CCDC102B: variants seen among roughly 807,000 people sequenced by gnomAD.
CCDC102B encodes coiled-coil domain-containing protein 102B.
In CCDC102B, 75 loss-of-function variants were observed where a neutral mutation model predicts 57.4. That is an observed-to-expected ratio of 1.31 (90% confidence interval 1.08 to 1.58). The LOEUF (loss-of-function observed/expected upper bound fraction) is 1.58, where lower values mean the gene tolerates loss of function less well. Ranked by LOEUF, CCDC102B falls within the 40% of genes most tolerant of loss-of-function variation. The probability of loss-of-function intolerance (pLI) is 0.00; values close to 1 mark genes in which losing one functional copy is unlikely to be tolerated. For missense variants in CCDC102B, 636 were observed against 582.6 expected, an observed-to-expected ratio of 1.09 and a Z score of -0.94; for synonymous variants, 206 against 201.9, an observed-to-expected ratio of 1.02 and a Z score of -0.17.
intron 1 of CCDC102B, among the ~76,000 whole-genome samples, chr18:68,825,438 C>G (rs777167358): frequency 6.6e-6 from 1 of 151,934 alleles, no homozygotes; most frequent in Non-Finnish European, 1.5e-5. Context: ...GTCTGTAATC[C>G]CCGCACTTTG....
intron 2 of CCDC102B, among the ~76,000 whole-genome samples, chr18:68,744,660 C>A (rs2033540969): frequency 6.6e-6 from 1 of 152,102 alleles, no homozygotes; most frequent in Non-Finnish European, 1.5e-5. Context: ...GGACCAATCA[C>A]CAGCCATGTG....
chr18:68,769,254 GAAAAAAAAAAAA>G (rs35451609), intron 2 of CCDC102B, among the ~76,000 whole-genome samples: 1 of 116,428 alleles, frequency 8.6e-6, no homozygotes, highest in East Asian at 2.4e-4. Context: ...ACTCCACCTC[GAAAAAAAAAAAA>G]AAAGATTGAA....
chr18:68,945,500 C>T (rs1280369820), intron 6 of CCDC102B, among the ~76,000 whole-genome samples: 1 of 152,072 alleles, frequency 6.6e-6, no homozygotes. Flanking sequence ...AAATTTTATT[C>T]ATGTACAAGT....
chr18:68,772,777 C>T (rs1286824075), intron 2 of CCDC102B, among the ~76,000 whole-genome samples: 1 of 152,080 alleles, frequency 6.6e-6, no homozygotes, highest in East Asian at 1.9e-4. Context: ...CTCCATCACT[C>T]TAAACAGACT....
At position 68,901,972 on chromosome 18, in the gene CCDC102B, A is replaced by G. The variant is rs557265038; in HGVS notation, c.1263+4544A>G. Reference sequence around the variant, plus strand: ...AACCCTGATCTGCTTCTGTAGGTCTAGGATAAGGTCTGAGATTCTGCACTT... The same window carrying G: ...AACCCTGATCTGCTTCTGTAGGTCTGGGATAAGGTCTGAGATTCTGCACTT... On this transcript the variant is annotated intron_variant, in intron 6 of 7. Coordinates refer to ENST00000360242, the MANE Select transcript of CCDC102B (RefSeq NM_024781.3). 7.2e-5 allele frequency among the ~76,000 whole-genome samples: 11 copies of G among 152,314 alleles called. No homozygotes were observed. The East Asian group carries it at 2.1e-3, about 29-fold the overall frequency.
rs140731511 is a variant in CCDC102B, at chr18:68,827,002, C to T, written c.-15-9747C>T. On this transcript the variant is annotated intron_variant, in intron 1 of 7. Transcript: ENST00000360242. ...ATGATAGTGAATTTCTCACCTGAAG[C>T]CACAAAGGCTACAAGGAGATGGTAC... 5.3e-5 allele frequency among the ~76,000 whole-genome samples: 8 copies of T among 151,978 alleles called. No individual in the cohort carries two copies. In the East Asian group the frequency reaches 1.5e-3, roughly 29 times the overall value.
At chr18:68,959,930 C>T (rs2050003278) in intron 6 of CCDC102B, among the ~76,000 whole-genome samples, 1 of 152,074 alleles carries the variant, frequency 6.6e-6, no homozygotes, top group African/African-American at 2.4e-5. Context: ...CAATGCTGTC[C>T]AGGAGCCAAG....
intron 6 of CCDC102B, among the ~76,000 whole-genome samples, chr18:68,957,201 A>G (rs1599751748): frequency 6.6e-6 from 1 of 152,172 alleles, no homozygotes; most frequent in Non-Finnish European, 1.5e-5. Flanking sequence ...AATTTTTGCC[A>G]AGGCCAATGT....
rs2038456477 is a variant in CCDC102B, at chr18:68,857,177, A to AT, written c.936+10756_936+10757insT. Among the ~76,000 whole-genome samples the AT allele has an allele frequency of 1.7e-4, 3 of 17,678 alleles. 1 individual carries two copies. In the South Asian group the frequency reaches 4.3e-3, roughly 25 times the overall value. The allele number at this position is 17,678 out of a possible 152,430, so 11.6% of individuals were successfully genotyped here. ...ATTTATATATTTTTATATAATATAT[A>AT]AAAATATATTTATATATTTTTATAT... On this transcript the variant is annotated intron_variant, in intron 4 of 7. Transcript: ENST00000360242.
At chr18:69,025,008 A>C (rs2051945486) in intron 7 of CCDC102B, among the ~76,000 whole-genome samples, 1 of 152,138 alleles carries the variant, frequency 6.6e-6, no homozygotes. Flanking sequence ...TGTGGTGTTA[A>C]TATAATTTCT....
chr18:68,943,880 C>A (rs1490501093), intron 6 of CCDC102B, among the ~76,000 whole-genome samples: 1 of 152,032 alleles, frequency 6.6e-6, no homozygotes, highest in Non-Finnish European at 1.5e-5. Flanking sequence ...CTGCAAGAAT[C>A]AAAGAAACAA....
chr18:68,980,008 C>T (rs1043277427), intron 6 of CCDC102B, among the ~76,000 whole-genome samples: 2 of 151,948 alleles, frequency 1.3e-5, no homozygotes, highest in African/African-American at 2.4e-5. Flanking sequence ...GCGCATGAAC[C>T]TGTAGGTCAA....
Position 68,900,466 on chromosome 18 carries a change from T to A in CCDC102B, c.1263+3038T>A, listed in dbSNP as rs995297971. Among the ~76,000 whole-genome samples, 5 of 151,840 alleles carry A rather than the reference T, an allele frequency of 3.3e-5. No individual in the cohort carries two copies. In the East Asian group the frequency reaches 7.7e-4, roughly 23 times the overall value. The stretch of plus-strand genomic sequence containing the variant: ...TAACTGATATGACGTAAAGTTTTTT[T>A]AAAAAAAAGTCTTCCATACACTCAG... On this transcript the variant is annotated intron_variant, in intron 6 of 7. Transcript: ENST00000360242.
At chr18:69,051,938 A>G (rs934265204) in intron 7 of CCDC102B, among the ~76,000 whole-genome samples, 9 of 152,098 alleles carry the variant, frequency 5.9e-5, no homozygotes, top group African/African-American at 2.2e-4. Context: ...AAAATAGTGA[A>G]AATACAGAAT....
intron 1 of CCDC102B, among the ~76,000 whole-genome samples, chr18:68,834,454 T>TATATATATATATATATATATATA (rs1568275774): frequency 8.2e-5 from 12 of 146,878 alleles, no homozygotes; most frequent in African/African-American, 2.7e-4. Flanking sequence ...TATATATATA[T>TATATATATATATATATATATATA]TTGCTGTGTT....
rs202077915 is a variant in CCDC102B at position 68,872,402 on chromosome 18, C to T, written c.937-2267C>T. Among the ~76,000 whole-genome samples the T allele has an allele frequency of 4.6e-5, 7 of 152,176 alleles. No homozygotes were observed. In the East Asian group the frequency reaches 1.4e-3, roughly 29 times the overall value. On this transcript the variant is annotated intron_variant, in intron 4 of 7. Coordinates refer to ENST00000360242, the MANE Select transcript of CCDC102B (RefSeq NM_024781.3). ...TACACTCCAGTATTAAACTCTACTT[C>T]CCAGATAAATTTTTTTCTTTATGTA...
intron 1 of CCDC102B, among the ~76,000 whole-genome samples, chr18:68,828,743 T>C (rs2037018059): frequency 6.6e-6 from 1 of 151,762 alleles, no homozygotes; most frequent in Admixed American, 6.6e-5. Context: ...TGTTACTTTA[T>C]TTAAAAATAT....
At chr18:68,887,964 C>T (rs953601698) in intron 5 of CCDC102B, among the ~76,000 whole-genome samples, 2 of 152,132 alleles carry the variant, frequency 1.3e-5, no homozygotes, top group Non-Finnish European at 2.9e-5. Context: ...ATGTAGCACT[C>T]AGAGACAGAC....
At chr18:68,733,398 G>T (rs2032971700) in intron 2 of CCDC102B, among the ~76,000 whole-genome samples, 1 of 150,560 alleles carries the variant, frequency 6.6e-6, no homozygotes, top group Non-Finnish European at 1.5e-5. Context: ...GTTGAGGAAG[G>T]AGCAAACAGG....
Sources: allele counts gnomAD v4.1 joint callset (sites outside exome capture counted in the v4.1 genomes callset), GRCh38; gene constraint gnomAD v4.1.1; transcripts MANE v1.5; gene names NCBI Gene and HGNC (gene_info 2026-07-23, HGNC 2026-07-21).